Variants in CNTN3 observed in about 807,000 individuals in gnomAD.
The protein encoded by CNTN3 is contactin 3, also known as contactin-3.
CNTN3 carries 60 observed loss-of-function variants against 119.1 expected under a neutral mutation model. The ratio of observed to expected loss-of-function variants is 0.50; its 90% CI spans 0.41 to 0.62. The LOEUF (loss-of-function observed/expected upper bound fraction) is 0.62, where lower values mean the gene tolerates loss of function less well. Ranked by LOEUF, CNTN3 falls within the 20% of genes least tolerant of loss-of-function variation. The pLI, the probability that CNTN3 is intolerant of heterozygous loss-of-function variation, is 0.00. For missense variants in CNTN3, 1,101 were observed against 1,242.4 expected (o/e 0.89, Z 1.71); for synonymous variants, 450 against 438.7 (o/e 1.03, Z -0.32).
chr3:74,421,482 A>G (rs146711353), intron 5 of CNTN3, among the ~76,000 whole-genome samples: 1 of 152,250 alleles, frequency 6.6e-6, no homozygotes, highest in Non-Finnish European at 1.5e-5. Flanking sequence ...TACTATTATT[A>G]TTACTATTAC....
chr3:74,554,675 G>A (rs975449792), intron 1 of CNTN3, among the ~76,000 whole-genome samples: 6 of 152,114 alleles, frequency 3.9e-5, no homozygotes, highest in Non-Finnish European at 8.8e-5. Flanking sequence ...TCTCTTTGTA[G>A]CAACTGCAAA....
intron 1 of CNTN3, among the ~76,000 whole-genome samples, chr3:74,612,159 G>A (rs1398406084): frequency 1.3e-5 from 2 of 152,176 alleles, no homozygotes; most frequent in Non-Finnish European, 2.9e-5. Context: ...AAAGCTGGAA[G>A]ATGTGTACTG....
chr3:74,431,049 C>T (rs1701775316), intron 4 of CNTN3, among the ~76,000 whole-genome samples: 1 of 152,244 alleles, frequency 6.6e-6, no homozygotes, highest in African/African-American at 2.4e-5. Context: ...AACACTCCTT[C>T]TTGTGACTAG....
At chr3:74,317,034 T>C (rs1357881905) in intron 13 of CNTN3, among the ~76,000 whole-genome samples, 1 of 151,602 alleles carries the variant, frequency 6.6e-6, no homozygotes, top group Non-Finnish European at 1.5e-5. Context: ...ATTGGGTGCA[T>C]ATATATTTAG....
At chr3:74,303,079 G>A (rs1702491030) in intron 13 of CNTN3, among the ~76,000 whole-genome samples, 2 of 152,218 alleles carry the variant, frequency 1.3e-5, no homozygotes, top group Admixed American at 6.5e-5. Context: ...TAAGGGCAGA[G>A]ATTACAGTCT....
intron 4 of CNTN3, among the ~76,000 whole-genome samples, chr3:74,438,031 T>C (rs1701901138): frequency 1.3e-5 from 2 of 152,224 alleles, no homozygotes; most frequent in Admixed American, 6.5e-5. Flanking sequence ...CCATTAGTTA[T>C]ACAAAGATGT....
intron 1 of CNTN3, among the ~76,000 whole-genome samples, chr3:74,566,178 G>C (rs1297676555): frequency 6.6e-6 from 1 of 152,094 alleles, no homozygotes; most frequent in Non-Finnish European, 1.5e-5. Flanking sequence ...GGCAGGAACG[G>C]GTACAATTGA....
At chr3:74,511,929 G>A (rs1703371670) in intron 2 of CNTN3, among the ~76,000 whole-genome samples, 1 of 152,044 alleles carries the variant, frequency 6.6e-6, no homozygotes, top group Non-Finnish European at 1.5e-5. Flanking sequence ...ATGTCTACTA[G>A]GAGGAACAGT....
chr3:74,531,444 C>G (rs1703691674), intron 1 of CNTN3, among the ~76,000 whole-genome samples: 1 of 151,870 alleles, frequency 6.6e-6, no homozygotes, highest in African/African-American at 2.4e-5. Context: ...CGGGGGATAT[C>G]ACAGCACCAT....
chr3:74,348,766 A>G (rs1353234667), intron 11 of CNTN3, among the ~76,000 whole-genome samples: 1 of 152,152 alleles, frequency 6.6e-6, no homozygotes, highest in African/African-American at 2.4e-5. Flanking sequence ...AGATGATAAA[A>G]TGATTGTTGC....
chr3:74,279,436 C>A (rs1701950433), intron 20 of CNTN3, among the ~76,000 whole-genome samples: 1 of 151,922 alleles, frequency 6.6e-6, no homozygotes, highest in Non-Finnish European at 1.5e-5. Context: ...AACACACACA[C>A]ATATGATGGA....
chr3:74,371,158 AT>A, intron 6 of CNTN3, 37 bp downstream of exon 6: 10 of 1,482,040 alleles, frequency 6.7e-6, no homozygotes, highest in Non-Finnish European at 9.4e-6. Context: ...CCTCAGCACC[AT>A]TTACGCTCAG....
chr3:74,458,319 C>A (rs1393473630), intron 4 of CNTN3, among the ~76,000 whole-genome samples: 1 of 152,022 alleles, frequency 6.6e-6, no homozygotes, highest in Non-Finnish European at 1.5e-5. Flanking sequence ...AGTTGGCAAA[C>A]TACAGCTGGA....
chr3:74,511,212 G>A (rs968660498), intron 2 of CNTN3, among the ~76,000 whole-genome samples: 1 of 151,848 alleles, frequency 6.6e-6, no homozygotes, highest in South Asian at 2.1e-4. Flanking sequence ...AAAATCAAAG[G>A]TCTAGCAATC....
At chr3:74,322,299 CA>C (rs1417765481) in intron 13 of CNTN3, among the ~76,000 whole-genome samples, 5 of 151,788 alleles carry the variant, frequency 3.3e-5, no homozygotes, top group Non-Finnish European at 7.4e-5. Context: ...TAAAACTTCC[CA>C]ATACAAAAAT....
intron 1 of CNTN3, among the ~76,000 whole-genome samples, chr3:74,578,482 T>C (rs1704452769): frequency 6.6e-6 from 1 of 151,998 alleles, no homozygotes; most frequent in Non-Finnish European, 1.5e-5. Context: ...TACAATGAAA[T>C]ATAGACATCT....
Position 74,549,301 on chromosome 3 carries a change from C to T in CNTN3, c.-80-28109G>A, listed in dbSNP as rs558999079. On this transcript the variant is annotated intron_variant, in intron 1 of 22. Transcript: ENST00000263665. Reference sequence around the variant, plus strand: ...CAGCTTCCCCTTCGCCCTTCCGTCACGATTGTAAGTTTCCTGAGGCCTCCC... The same window carrying T: ...CAGCTTCCCCTTCGCCCTTCCGTCATGATTGTAAGTTTCCTGAGGCCTCCC... Among the ~76,000 whole-genome samples the T allele has an allele frequency of 4.3e-4, 65 of 152,246 alleles. 1 individual carries two copies. The highest frequency in any genetic ancestry group is 6.3e-4 in the African/African-American group (26 of 41,546).
intron 5 of CNTN3, among the ~76,000 whole-genome samples, chr3:74,404,625 G>A (rs934728848): frequency 6.6e-6 from 1 of 151,896 alleles, no homozygotes; most frequent in South Asian, 2.1e-4. Flanking sequence ...TATCAGGAAA[G>A]CTAAGTTTTA....
intron 1 of CNTN3, among the ~76,000 whole-genome samples, chr3:74,586,482 A>C (rs894756507): frequency 6.6e-6 from 1 of 152,134 alleles, no homozygotes; most frequent in African/African-American, 2.4e-5. Context: ...AAATTTATTA[A>C]GAAACTCTAT....
Sources: allele counts gnomAD v4.1 joint callset (sites outside exome capture counted in the v4.1 genomes callset), GRCh38; gene constraint gnomAD v4.1.1; transcripts MANE v1.5; gene names NCBI Gene and HGNC (gene_info 2026-07-23, HGNC 2026-07-21).